Variants in TMPRSS6 observed in about 807,000 individuals in gnomAD.
The protein encoded by TMPRSS6 is transmembrane serine protease 6.
Under a neutral mutation model 101.5 loss-of-function variants are expected in TMPRSS6, and 67 were observed. The observed-to-expected ratio is 0.66, with a 90% CI of 0.54 to 0.81. The LOEUF (loss-of-function observed/expected upper bound fraction) is 0.81, where lower values mean the gene tolerates loss of function less well. Among genes scored for constraint, TMPRSS6 ranks in the 30% least tolerant of loss-of-function variants. The probability of loss-of-function intolerance (pLI) is 0.00; values close to 1 mark genes in which losing one functional copy is unlikely to be tolerated. For missense variants in TMPRSS6, 1,034 were observed against 1,088.7 expected (o/e 0.95, Z 0.71); for synonymous variants, 453 against 464.9 (o/e 0.97, Z 0.33).
chr22:37,095,910 G>T lies in TMPRSS6; in HGVS notation c.585C>A (p.Ile195=). Residue 195 remains isoleucine (I), a synonymous_variant, in exon 5 of 18, where the codon ATC becomes ATA. Transcript: ENST00000676104. ...GTTTCCACTCGCAGTACTGACCCAG[G>T]ATCACTAGGCCCTCGGGGTCCACTT... ...EYEVDPEGLV[I]LEASVKDIAA... 6.2e-7 allele frequency: 1 copy of T among 1,614,032 alleles called. No individual in the cohort carries two copies.
chr22:37,066,500 C>T (rs1404588136), intron 17 of TMPRSS6, among the ~76,000 whole-genome samples: 3 of 152,250 alleles, frequency 2.0e-5, no homozygotes, highest in Non-Finnish European at 2.9e-5. Flanking sequence ...CCTTCTGTGG[C>T]TGACACCCCT....
intron 8 of TMPRSS6, among the ~76,000 whole-genome samples, 194 bp from the exon 9 acceptor site, chr22:37,085,033 G>C (rs951709506): frequency 1.3e-5 from 2 of 152,218 alleles, no homozygotes; most frequent in African/African-American, 2.4e-5. Flanking sequence ...TCATAGGGTA[G>C]TAGAGTGGAT....
In TMPRSS6 at chr22:37,101,305, C is replaced by T. The variant is rs566328875; in HGVS notation, c.202+1911G>A. Among the ~76,000 whole-genome samples the T allele has an allele frequency of 4.6e-5, 7 of 151,792 alleles. No individual in the cohort carries two copies. The highest frequency in any genetic ancestry group is 1.9e-4 in the East Asian group (1 of 5,176). Reference sequence around the variant, plus strand: ...CACTGAAGCAGGAGACAGGGGCAGGCGGGTGCTGGGGGCTTGAGAACACAT... The same window carrying T: ...CACTGAAGCAGGAGACAGGGGCAGGTGGGTGCTGGGGGCTTGAGAACACAT... On this transcript the variant is annotated intron_variant, in intron 2 of 17. Transcript: ENST00000676104. This position sits in a 1 kb window ranked among gnomAD's most constrained non-coding sequence, Gnocchi z 4.1.
chr22:37,067,758 T>C (rs550645832), intron 16 of TMPRSS6, among the ~76,000 whole-genome samples: 2 of 89,188 alleles, frequency 2.2e-5, no homozygotes, highest in East Asian at 7.3e-4. Flanking sequence ...AAACTCCCCG[T>C]ATGGTTCTAA....
intron 7 of TMPRSS6, among the ~76,000 whole-genome samples, chr22:37,089,190 C>G (rs766993477): frequency 6.6e-6 from 1 of 152,164 alleles, no homozygotes; most frequent in Admixed American, 6.5e-5. Flanking sequence ...CCACCAGAAG[C>G]CTGGGAAGCA....
intron 4 of TMPRSS6, 107 bp downstream of exon 4, chr22:37,096,541 T>G (rs1929776930): frequency 2.4e-6 from 3 of 1,267,682 alleles, no homozygotes; most frequent in Non-Finnish European, 3.4e-6. Flanking sequence ...TGCCTTAGTT[T>G]CCCCATTTGA....
intron 6 of TMPRSS6, among the ~76,000 whole-genome samples, chr22:37,093,388 T>C (rs1473232203): frequency 4.8e-5 from 2 of 41,400 alleles, no homozygotes; most frequent in East Asian, 6.2e-4. Flanking sequence ...TTCTTTCTTT[T>C]TTTTTTTTTT....
intron 6 of TMPRSS6, among the ~76,000 whole-genome samples, chr22:37,094,543 TGATAGATAGATA>T (rs6147615): frequency 6.6e-6 from 1 of 150,716 alleles, no homozygotes; most frequent in Admixed American, 6.6e-5. Flanking sequence ...TCAACAGAGA[TGATAGATAGATA>T]GATAGATAGA....
intron 10 of TMPRSS6, among the ~76,000 whole-genome samples, chr22:37,079,650 G>A (rs183757832): frequency 9.2e-4 from 140 of 152,322 alleles, no homozygotes; most frequent in African/African-American, 3.1e-3. Flanking sequence ...TTTGCCCCAG[G>A]AACAAGCTGT....
chr22:37,066,239 C>G lies in TMPRSS6; in HGVS notation c.2251-1G>C, dbSNP rs1363716662. 1.9e-6 allele frequency: 3 copies of G among 1,609,376 alleles called. No individual in the cohort carries two copies. In the South Asian group the frequency reaches 3.3e-5, roughly 18 times the overall value. On this transcript the variant is annotated splice_acceptor_variant, in intron 17 of 17. Coordinates refer to ENST00000676104, the MANE Select transcript of TMPRSS6 (RefSeq NM_001374504.1). LOFTEE classifies it high-confidence loss of function. ...ACACCAGCGGACCACCTGAGTCACCCTGAAAGGGGGAAAGGAGAAAGGACT... is the reference window on the plus strand; with the variant it reads ...ACACCAGCGGACCACCTGAGTCACCGTGAAAGGGGGAAAGGAGAAAGGACT...
Position 37,069,018 on chromosome 22 carries a change from G to C in TMPRSS6, c.2113+55C>G, listed in dbSNP as rs1010669673. The C allele has an allele frequency of 2.6e-6, 4 of 1,530,072 alleles. No individual in the cohort carries two copies. Among genetic ancestry groups the C allele is most frequent in the African/African-American group, 2.7e-5 (2 of 72,900 alleles). 94.8% of individuals were successfully genotyped at this position (1,530,072 alleles called of 1,614,324 possible). A position where few individuals can be genotyped will look rare whatever the true frequency, so the allele number is the denominator to read the frequency against. On this transcript the variant is annotated intron_variant, in intron 16 of 17. Transcript: ENST00000676104. This position sits in a 1 kb window ranked among gnomAD's most constrained non-coding sequence, Gnocchi z 4.8. ...CGCCCTTCTCCAGGCCAGGTGTTAC[G>C]GCGCAGATCCGCACGGTCTCCCTCC...
chr22:37,099,799 C>G (rs1458334519), intron 2 of TMPRSS6, among the ~76,000 whole-genome samples: 1 of 151,208 alleles, frequency 6.6e-6, no homozygotes, highest in Admixed American at 6.6e-5. Context: ...AGTGCAAAGG[C>G]CTGGTGTGTT....
chr22:37,069,242 G>A lies in TMPRSS6; in HGVS notation c.1944C>T (p.His648=), dbSNP rs772668679. Residue 648 remains histidine, a synonymous_variant, in exon 16 of 18, where the codon CAC becomes CAT. Coordinates refer to ENST00000676104, the MANE Select transcript of TMPRSS6 (RefSeq NM_001374504.1). This position sits in a 1 kb window ranked among gnomAD's most constrained non-coding sequence, Gnocchi z 4.8. ...VSFKVSRLLL[H]PYHEEDSHDY... is the part of the protein sequence containing the mutation. The stretch of plus-strand genomic sequence containing the variant: ...CATGGCTGTCCTCTTCGTGGTACGG[G>A]TGCAGGAGCAGGCGGCTCACCTTGA... 16 of 1,611,174 alleles carry A rather than the reference G, an allele frequency of 9.9e-6. No homozygotes were observed. The highest frequency in any genetic ancestry group is 8.4e-5 in the Admixed American group (5 of 59,868).
intron 1 of TMPRSS6, among the ~76,000 whole-genome samples, chr22:37,106,635 C>G (rs1453599393): frequency 6.6e-6 from 1 of 152,202 alleles, no homozygotes; most frequent in East Asian, 1.9e-4. Context: ...TCCATTGCGT[C>G]TTCCAGCGCA....
At chr22:37,093,511 T>C (rs748974727) in intron 6 of TMPRSS6, among the ~76,000 whole-genome samples, 1 of 148,246 alleles carries the variant, frequency 6.7e-6, no homozygotes, top group African/African-American at 2.5e-5. Flanking sequence ...CAAGTGATTC[T>C]CCTGCCTCAG....
intron 12 of TMPRSS6, 105 bp downstream of exon 12, chr22:37,074,505 G>A: frequency 5.5e-6 from 6 of 1,089,842 alleles, no homozygotes; most frequent in Non-Finnish European, 8.2e-6. Flanking sequence ...GCTCATAATG[G>A]AAGCTGCATG....
intron 13 of TMPRSS6, among the ~76,000 whole-genome samples, chr22:37,073,006 G>A (rs1406071598): frequency 6.7e-6 from 1 of 150,160 alleles, no homozygotes; most frequent in Non-Finnish European, 1.5e-5. Context: ...ATGATGGATG[G>A]ATGATGGATG....
chr22:37,078,986 A>G (rs1049469207), intron 10 of TMPRSS6, among the ~76,000 whole-genome samples: 12 of 150,162 alleles, frequency 8.0e-5, no homozygotes, highest in African/African-American at 3.0e-4. Flanking sequence ...AGAAAGAAAG[A>G]AAGAAAGAAA....
chr22:37,072,997 TGATGGATGGATGATGGATG>T (rs1455823567), intron 13 of TMPRSS6, among the ~76,000 whole-genome samples: 1 of 131,748 alleles, frequency 7.6e-6, no homozygotes, highest in Admixed American at 7.5e-5. Context: ...GATAGATGGA[TGATGGATGGATGATGGATG>T]GATGGATGGA....
Sources: gnomAD v4.1 joint callset for allele counts (sites outside exome capture counted in the v4.1 genomes callset) on GRCh38, gnomAD v4.1.1 for gene constraint, Gnocchi (gnomAD v3.1) non-coding constraint, MANE v1.5 for transcripts, NCBI Gene and HGNC (gene_info 2026-07-23, HGNC 2026-07-21) for gene names.